TMEM87B: variants seen among roughly 807,000 people sequenced by gnomAD.
The protein encoded by TMEM87B is transmembrane protein 87B.
TMEM87B carries 83 observed loss-of-function variants against 80.3 expected under a neutral mutation model. The observed-to-expected ratio is 1.03, with a 90% CI of 0.87 to 1.24. TMEM87B has a LOEUF of 1.24. Among genes scored for constraint, TMEM87B ranks in the 50% most tolerant of loss-of-function variants. TMEM87B has a pLI of 0.00. For synonymous variants in TMEM87B, 219 were observed against 230.5 expected (o/e 0.95, Z 0.45); for missense variants, 625 against 674.4 (o/e 0.93, Z 0.81).
chr2:112,058,178 CAG>C (rs1350314783), intron 1 of TMEM87B, among the ~76,000 whole-genome samples: 5 of 152,318 alleles, frequency 3.3e-5, no homozygotes, highest in Admixed American at 1.3e-4. Flanking sequence ...AGGAGGGGAA[CAG>C]AGCAGCAGCA....
At chr2:112,099,527 T>TAC (rs1217372081) in intron 14 of TMEM87B, among the ~76,000 whole-genome samples, 3 of 98,520 alleles carry the variant, frequency 3.0e-5, no homozygotes, top group East Asian at 7.4e-4. Context: ...CAATAATACA[T>TAC]ATATATATAT....
chr2:112,059,999 G>C lies in TMEM87B; in HGVS notation c.188G>C (p.Arg63Thr). 6 of 1,592,858 alleles carry C rather than the reference G, an allele frequency of 3.8e-6. No individual in the cohort carries two copies. The highest frequency in any genetic ancestry group is 5.1e-6 in the Non-Finnish European group (6 of 1,166,426). Residue 63 changes from arginine (R) to threonine (T), a missense_variant, in exon 2 of 19, where the codon AGG (arginine) becomes ACG (threonine). By Grantham distance (71) the Arg-to-Thr change is moderately conservative. Transcript: ENST00000283206. ...TAGAAATCAGGACCTTTGATATTTAGGAAAACTATGTTTAACTCTACAGAT... is the reference window on the plus strand; with the variant it reads ...TAGAAATCAGGACCTTTGATATTTACGAAAACTATGTTTAACTCTACAGAT... Reference protein sequence around the residue: ...VNDKSGPLIFRKTMFNSTDIK... With the variant: ...VNDKSGPLIFTKTMFNSTDIK...
At chr2:112,061,397 C>A (rs1426807999) in intron 2 of TMEM87B, among the ~76,000 whole-genome samples, 1 of 152,170 alleles carries the variant, frequency 6.6e-6, no homozygotes, top group Non-Finnish European at 1.5e-5. Flanking sequence ...ATGCTCTGCT[C>A]ATTTGTTGGG....
chr2:112,061,482 A>G (rs1678256668), intron 2 of TMEM87B, among the ~76,000 whole-genome samples: 1 of 152,192 alleles, frequency 6.6e-6, no homozygotes, highest in African/African-American at 2.4e-5. Context: ...AGGTGGTTTC[A>G]AGCAGCTCTG....
intron 3 of TMEM87B, among the ~76,000 whole-genome samples, chr2:112,066,322 T>C (rs533835899): frequency 1.3e-5 from 2 of 152,344 alleles, no homozygotes; most frequent in South Asian, 4.1e-4. Flanking sequence ...CTTGTTGATT[T>C]TTACTTTGTT....
At chr2:112,107,900 G>T in intron 17 of TMEM87B, 60 bp downstream of exon 17, 1 of 1,185,882 alleles carries the variant, frequency 8.4e-7, no homozygotes, top group Non-Finnish European at 1.2e-6. Flanking sequence ...AAAAGGGATC[G>T]TTCTCATCCT....
intron 11 of TMEM87B, chr2:112,095,090 G>GCCTTTCT (rs1413951723): frequency 2.5e-6 from 2 of 790,418 alleles, no homozygotes; most frequent in Non-Finnish European, 3.1e-6. Context: ...CATAGCCTTA[G>GCCTTTCT]CCTTTCTCCT....
rs1428429400 is a variant in TMEM87B, at chr2:112,087,933, T to G, written c.939-1692T>G. 7.2e-5 allele frequency among the ~76,000 whole-genome samples: 11 copies of G among 152,268 alleles called. No individual in the cohort carries two copies. In the South Asian group the frequency reaches 2.1e-3, roughly 29 times the overall value. On this transcript the variant is annotated intron_variant, in intron 9 of 18. Transcript: ENST00000283206. ...TTTAAGGAGTGCCAGCTTTGCCTGG[T>G]TTCTGGGAGCTCGTCTTCCATCCTC...
At chr2:112,112,025 C>T (rs1192426171) in intron 17 of TMEM87B, among the ~76,000 whole-genome samples, 1 of 152,278 alleles carries the variant, frequency 6.6e-6, no homozygotes, top group East Asian at 1.9e-4. Flanking sequence ...TTTCCTTAAT[C>T]GTATTATTCC....
At chr2:112,109,774 T>C (rs1167630500) in intron 17 of TMEM87B, among the ~76,000 whole-genome samples, 1 of 147,478 alleles carries the variant, frequency 6.8e-6, no homozygotes, top group Non-Finnish European at 1.5e-5. Context: ...TTTTTTTTTT[T>C]TTTTTGAGAC....
At chr2:112,108,408 T>C (rs1679830218) in intron 17 of TMEM87B, among the ~76,000 whole-genome samples, 1 of 152,252 alleles carries the variant, frequency 6.6e-6, no homozygotes, top group African/African-American at 2.4e-5. Context: ...TGTACTATGA[T>C]ATTCCTTTTG....
At chr2:112,103,723 T>C (rs776054348) in intron 15 of TMEM87B, among the ~76,000 whole-genome samples, 6 of 152,152 alleles carry the variant, frequency 3.9e-5, no homozygotes, top group African/African-American at 9.7e-5. Context: ...TTTTCCAAAA[T>C]TGGAGAGTGG....
Position 112,064,232 on chromosome 2 carries a change from C to T in TMEM87B, c.297C>T (p.His99=), listed in dbSNP as rs573166820. 1 of 1,613,692 alleles carries T rather than the reference C, an allele frequency of 6.2e-7. No homozygotes were observed. Among genetic ancestry groups the T allele is most frequent in the South Asian group, 1.1e-5 (1 of 91,080 alleles). The change falls in exon 3 of 19, where the codon CAC becomes CAT. Residue 99 remains histidine (H), a synonymous_variant. Coordinates refer to ENST00000283206, the MANE Select transcript of TMEM87B (RefSeq NM_032824.3). ...GGCATTTGAAGTATCATACCTGTCA[C>T]AATGAGCATTCTAATCTGGAAGTAA... ...IVWHLKYHTC[H]NEHSNLEELF...
intron 9 of TMEM87B, among the ~76,000 whole-genome samples, chr2:112,087,269 C>T (rs964878174): frequency 6.6e-6 from 1 of 152,140 alleles, no homozygotes; most frequent in Non-Finnish European, 1.5e-5. Flanking sequence ...AAAAAGAGCC[C>T]TGGACCACAC....
intron 11 of TMEM87B, among the ~76,000 whole-genome samples, chr2:112,092,063 G>T (rs1043086781): frequency 6.6e-6 from 1 of 152,186 alleles, no homozygotes; most frequent in Non-Finnish European, 1.5e-5. Flanking sequence ...TCACAGTCTT[G>T]TAGGGGAGAC....
intron 4 of TMEM87B, among the ~76,000 whole-genome samples, chr2:112,067,548 A>G (rs1271432968): frequency 6.6e-6 from 1 of 152,186 alleles, no homozygotes; most frequent in African/African-American, 2.4e-5. Flanking sequence ...GCAGTGAGCC[A>G]TGATTGCGCC....
intron 8 of TMEM87B, among the ~76,000 whole-genome samples, chr2:112,083,503 C>T (rs1390666178): frequency 2.0e-5 from 3 of 152,186 alleles, no homozygotes; most frequent in African/African-American, 4.8e-5. Context: ...AGAGGTAGAC[C>T]ACTTCCATCA....
chr2:112,079,523 C>T (rs1189437621), intron 6 of TMEM87B, among the ~76,000 whole-genome samples: 1 of 152,202 alleles, frequency 6.6e-6, no homozygotes, highest in African/African-American at 2.4e-5. Flanking sequence ...TTGATGGACA[C>T]TTACCTTGAT....
intron 15 of TMEM87B, among the ~76,000 whole-genome samples, chr2:112,103,758 A>G (rs1396480821): frequency 6.6e-6 from 1 of 152,220 alleles, no homozygotes; most frequent in Non-Finnish European, 1.5e-5. Flanking sequence ...CTCTGTGAAT[A>G]TCTCAAAATC....
Sources: gnomAD v4.1 joint callset for allele counts (sites outside exome capture counted in the v4.1 genomes callset) on GRCh38, gnomAD v4.1.1 for gene constraint, MANE v1.5 for transcripts, NCBI Gene and HGNC (gene_info 2026-07-23, HGNC 2026-07-21) for gene names.